Variants in TMEM131 observed in about 807,000 individuals in gnomAD.
TMEM131 encodes 2610524E03Rik.
In TMEM131, 66 loss-of-function variants were observed where a neutral mutation model predicts 211.6. That is an observed-to-expected ratio of 0.31 (90% CI 0.26 to 0.38). The LOEUF is 0.38. Ranked by LOEUF, TMEM131 falls within the 10% of genes least tolerant of loss-of-function variation. The pLI is 1.00. For synonymous variants in TMEM131, 844 were observed against 841.3 expected (o/e 1.00, Z -0.06); for missense variants, 2,036 against 2,299.3 (o/e 0.89, Z 2.34).
chr2:97,914,393 T>C (rs1448753686), intron 2 of TMEM131, among the ~76,000 whole-genome samples: 3 of 152,344 alleles, frequency 2.0e-5, no homozygotes, highest in East Asian at 3.9e-4. Flanking sequence ...CAGTTTTGTA[T>C]GTCCTCATTT....
At chr2:97,835,168 A>G (rs115074875) in intron 8 of TMEM131, among the ~76,000 whole-genome samples, 1,546 of 152,370 alleles carry the variant, frequency 0.01, 14 homozygotes, top group South Asian at 0.024. Context: ...AAGCAAAAGA[A>G]GTCAAATGAT....
chr2:97,841,021 A>G (rs1404934063), intron 7 of TMEM131, among the ~76,000 whole-genome samples: 1 of 152,218 alleles, frequency 6.6e-6, no homozygotes, highest in Non-Finnish European at 1.5e-5. Flanking sequence ...ACCACAAAAT[A>G]TAGTATTTTT....
chr2:97,923,949 G>A (rs984892798), intron 2 of TMEM131, among the ~76,000 whole-genome samples: 5 of 151,902 alleles, frequency 3.3e-5, no homozygotes, highest in African/African-American at 4.8e-5. Context: ...GCTTGGTAGC[G>A]GGTGCCTGTA....
At chr2:97,850,082 G>A (rs928604980) in intron 5 of TMEM131, among the ~76,000 whole-genome samples, 6 of 151,414 alleles carry the variant, frequency 4.0e-5, no homozygotes, top group African/African-American at 1.5e-4. Flanking sequence ...GAGAGACATA[G>A]AGAGGACTCT....
At chr2:97,838,960 C>T (rs1049451438) in intron 7 of TMEM131, among the ~76,000 whole-genome samples, 1 of 152,016 alleles carries the variant, frequency 6.6e-6, no homozygotes, top group African/African-American at 2.4e-5. Context: ...TTCTGGAAAA[C>T]CAGAAAACAT....
rs142429642 is a variant in TMEM131 at position 97,816,508 on chromosome 2, A to G, written c.1184-1201T>C. Among the ~76,000 whole-genome samples the G allele has an allele frequency of 7.9e-3, 1,209 of 152,308 alleles. 9 individuals carry two copies. Among genetic ancestry groups the G allele is most frequent in the Non-Finnish European group, 0.013 (895 of 68,024 alleles). On this transcript the variant is annotated intron_variant, in intron 12 of 40. Coordinates refer to ENST00000186436, the MANE Select transcript of TMEM131 (RefSeq NM_015348.2). Reference sequence around the variant, plus strand: ...AGGAACACTTCCATTTATGTGAAGAATTCATATGTGAGTTCCGCAAATGTG... The same window carrying G: ...AGGAACACTTCCATTTATGTGAAGAGTTCATATGTGAGTTCCGCAAATGTG...
intron 1 of TMEM131, among the ~76,000 whole-genome samples, chr2:97,985,698 T>C (rs1212221054): frequency 6.6e-6 from 1 of 150,952 alleles, no homozygotes; most frequent in East Asian, 1.9e-4. Flanking sequence ...AAAAATACCC[T>C]GGGAAAAAAA....
At chr2:97,958,220 C>T (rs1447420016) in intron 1 of TMEM131, among the ~76,000 whole-genome samples, 1 of 152,188 alleles carries the variant, frequency 6.6e-6, no homozygotes, top group African/African-American at 2.4e-5. Flanking sequence ...ACCATCCACA[C>T]CAAACCCTGG....
At chr2:97,845,841 G>A (rs1683403332) in intron 5 of TMEM131, among the ~76,000 whole-genome samples, 1 of 150,786 alleles carries the variant, frequency 6.6e-6, no homozygotes, top group African/African-American at 2.4e-5. Flanking sequence ...GAGAGTGACT[G>A]TGATAAAAAG....
intron 11 of TMEM131, among the ~76,000 whole-genome samples, chr2:97,827,068 C>CAAA (rs66841026): frequency 2.7e-4 from 25 of 93,670 alleles, no homozygotes; most frequent in East Asian, 6.4e-4. Context: ...AAGTGATAAG[C>CAAA]AAAAAAAAAA....
intron 1 of TMEM131, among the ~76,000 whole-genome samples, chr2:97,958,637 C>T (rs576369743): frequency 6.6e-6 from 1 of 152,220 alleles, no homozygotes; most frequent in Middle Eastern, 3.4e-3. Flanking sequence ...GATTTAAATG[C>T]CTGTTACGCC....
At chr2:97,914,187 C>T in intron 2 of TMEM131, among the ~76,000 whole-genome samples, 1 of 152,108 alleles carries the variant, frequency 6.6e-6, no homozygotes, top group East Asian at 1.9e-4. Context: ...GCTTCCTGTG[C>T]TTCTCTGTGT....
chr2:97,904,003 CA>C (rs1258688425), intron 3 of TMEM131, among the ~76,000 whole-genome samples: 3 of 152,100 alleles, frequency 2.0e-5, no homozygotes, highest in Admixed American at 2.0e-4. Flanking sequence ...ATCTACTCTT[CA>C]AAAATGTCAA....
At chr2:97,818,179 TGC>T (rs1181477577) in intron 12 of TMEM131, among the ~76,000 whole-genome samples, 1 of 152,242 alleles carries the variant, frequency 6.6e-6, no homozygotes, top group East Asian at 1.9e-4. Context: ...GTAGGGGATC[TGC>T]TTTGCCTATA....
chr2:97,875,134 G>A (rs544704377), intron 4 of TMEM131, among the ~76,000 whole-genome samples: 1 of 152,266 alleles, frequency 6.6e-6, no homozygotes, highest in South Asian at 2.1e-4. Flanking sequence ...ATTATATAAT[G>A]GTAAAGGGAT....
intron 11 of TMEM131, among the ~76,000 whole-genome samples, chr2:97,830,248 G>C (rs959474133): frequency 6.6e-6 from 1 of 151,758 alleles, no homozygotes; most frequent in Non-Finnish European, 1.5e-5. Context: ...GGCCCATTCT[G>C]GTGGCTTTAA....
At chr2:97,956,030 A>C (rs185797840) in intron 1 of TMEM131, among the ~76,000 whole-genome samples, 57 of 152,324 alleles carry the variant, frequency 3.7e-4, no homozygotes, top group Admixed American at 3.1e-3. Flanking sequence ...AGTCAAAACA[A>C]TCTTGAGAAA....
intron 15 of TMEM131, among the ~76,000 whole-genome samples, chr2:97,813,379 T>C (rs1264340830): frequency 1.3e-5 from 2 of 152,226 alleles, no homozygotes; most frequent in Non-Finnish European, 2.9e-5. Flanking sequence ...GCTTTCTTTT[T>C]ATCTTTCCTA....
At chr2:97,973,502 G>A (rs11892146) in intron 1 of TMEM131, among the ~76,000 whole-genome samples, 3,763 of 152,240 alleles carry the variant, frequency 0.025, 168 homozygotes, top group African/African-American at 0.087. Flanking sequence ...CTGAGAGTCC[G>A]AGGAAACCAA....
Sources: allele counts gnomAD v4.1 joint callset (sites outside exome capture counted in the v4.1 genomes callset), GRCh38; gene constraint gnomAD v4.1.1; transcripts MANE v1.5; gene names NCBI Gene and HGNC (gene_info 2026-07-23, HGNC 2026-07-21).